Variants in EEF2K observed in about 807,000 individuals in gnomAD.
EEF2K encodes the protein eukaryotic elongation factor 2 kinase, also known as alternative protein EEF2K.
In EEF2K, 70 loss-of-function variants were observed where a neutral mutation model predicts 93.8. That is an observed-to-expected ratio of 0.75 (90% CI 0.62 to 0.91). EEF2K has a LOEUF of 0.91. EEF2K is among the 40% of genes least tolerant of loss of function. The probability of loss-of-function intolerance (pLI) is 0.00; values close to 1 mark genes in which losing one functional copy is unlikely to be tolerated. For synonymous variants in EEF2K, 376 were observed against 380.8 expected, an observed-to-expected ratio of 0.99 and a Z score of 0.15; for missense variants, 935 against 972.9, an observed-to-expected ratio of 0.96 and a Z score of 0.52.
chr16:22,248,934 G>A (rs2047321576), intron 4 of EEF2K, 119 bp downstream of exon 4: 1 of 1,004,614 alleles, frequency 1.0e-6, no homozygotes, highest in Non-Finnish European at 1.4e-6. Context: ...AACTTCGGGG[G>A]ATTCTTTGTT....
At chr16:22,247,098 T>C (rs2047302056) in intron 3 of EEF2K, among the ~76,000 whole-genome samples, 1 of 124,352 alleles carries the variant, frequency 8.0e-6, no homozygotes, top group Non-Finnish European at 1.7e-5. Flanking sequence ...CCACTACCAG[T>C]CATAGAAACT....
chr16:22,237,095 T>TCAC (rs1011082032), intron 2 of EEF2K, among the ~76,000 whole-genome samples: 2 of 151,256 alleles, frequency 1.3e-5, no homozygotes, highest in Non-Finnish European at 2.9e-5. Flanking sequence ...CAGGCACACG[T>TCAC]CACCACGCCC....
chr16:22,221,890 T>A (rs1177021475), intron 1 of EEF2K, among the ~76,000 whole-genome samples: 1 of 151,898 alleles, frequency 6.6e-6, no homozygotes, highest in Non-Finnish European at 1.5e-5. Flanking sequence ...GCCAACATGG[T>A]GAAACCCCGC....
chr16:22,220,343 G>A (rs536903213), intron 1 of EEF2K, among the ~76,000 whole-genome samples: 39 of 152,236 alleles, frequency 2.6e-4, no homozygotes, highest in Non-Finnish European at 4.9e-4. Flanking sequence ...GCCGAGGGCC[G>A]AGCTCCCCAC....
chr16:22,241,367 C>T (rs1017793825), intron 2 of EEF2K, among the ~76,000 whole-genome samples: 8 of 151,888 alleles, frequency 5.3e-5, no homozygotes, highest in African/African-American at 1.9e-4. Context: ...GCATGTAGGC[C>T]GGGCAAGGTG....
intron 16 of EEF2K, among the ~76,000 whole-genome samples, chr16:22,277,058 G>A (rs2047644592): frequency 6.9e-6 from 1 of 144,670 alleles, no homozygotes; most frequent in African/African-American, 2.8e-5. Context: ...AGCATGAAAT[G>A]CCGTCTTAAA....
intron 6 of EEF2K, among the ~76,000 whole-genome samples, chr16:22,255,312 C>A (rs895231299): frequency 1.3e-5 from 2 of 152,290 alleles, no homozygotes; most frequent in Non-Finnish European, 2.9e-5. Flanking sequence ...GGAGGTCTTG[C>A]ATTGGTGGGT....
At chr16:22,258,874 T>A in intron 10 of EEF2K, 179 bp downstream of exon 10, 1 of 718,454 alleles carries the variant, frequency 1.4e-6, no homozygotes, top group Non-Finnish European at 2.2e-6. Context: ...CCAAATGCTA[T>A]AAAAACAACC....
At chr16:22,249,659 G>A (rs1284532038) in intron 4 of EEF2K, among the ~76,000 whole-genome samples, 1 of 152,010 alleles carries the variant, frequency 6.6e-6, no homozygotes, top group Non-Finnish European at 1.5e-5. Flanking sequence ...AGGCTGGGGT[G>A]TAGGGGTACA....
At chr16:22,237,633 A>G (rs999709278) in intron 2 of EEF2K, among the ~76,000 whole-genome samples, 1 of 151,992 alleles carries the variant, frequency 6.6e-6, no homozygotes, top group Non-Finnish European at 1.5e-5. Flanking sequence ...AAAAAAGAAA[A>G]GAAGAAAACT....
At chr16:22,232,291 A>T (rs2047123890) in intron 2 of EEF2K, among the ~76,000 whole-genome samples, 1 of 152,054 alleles carries the variant, frequency 6.6e-6, no homozygotes, top group Admixed American at 6.6e-5. Flanking sequence ...CAGTGGCATG[A>T]TCATAACTCA....
chr16:22,266,317 AG>A, intron 13 of EEF2K, 72 bp from the exon 14 acceptor site: 2 of 1,544,996 alleles, frequency 1.3e-6, no homozygotes, highest in Non-Finnish European at 1.7e-6. Flanking sequence ...CCTGTGTAGT[AG>A]GGGCTGCTGA....
At chr16:22,268,905 A>G (rs974272870) in intron 15 of EEF2K, among the ~76,000 whole-genome samples, 1 of 151,804 alleles carries the variant, frequency 6.6e-6, no homozygotes, top group Admixed American at 6.6e-5. Context: ...TGCAGTGAGC[A>G]GAGATCACGC....
chr16:22,243,354 C>T (rs1343915704), intron 2 of EEF2K, among the ~76,000 whole-genome samples: 3 of 150,726 alleles, frequency 2.0e-5, no homozygotes, highest in East Asian at 2.0e-4. Flanking sequence ...TGGGTTCAAG[C>T]GATTCTCCTC....
intron 13 of EEF2K, chr16:22,265,269 C>T (rs1020862698): frequency 5.5e-5 from 10 of 181,414 alleles, no homozygotes; most frequent in Non-Finnish European, 1.2e-4. Context: ...AAGCAACTTT[C>T]CCCAGGTTAC....
intron 1 of EEF2K, among the ~76,000 whole-genome samples, chr16:22,218,345 C>A (rs2046978214): frequency 6.6e-6 from 1 of 152,210 alleles, no homozygotes; most frequent in African/African-American, 2.4e-5. Context: ...TGTGCATTGG[C>A]CAGCTCGGGG....
rs893119555 is a variant in EEF2K at position 22,286,499 on chromosome 16, A to G, written c.*2503A>G. On this transcript the variant is annotated 3_prime_UTR_variant, in exon 18 of 18. Coordinates refer to ENST00000263026, the MANE Select transcript of EEF2K (RefSeq NM_013302.5). ...TTTTGTAAAGGGGTAGAAAGTGAAG[A>G]TTTTAGGCTTTGCAGGCCATATAGC... The G allele has an allele frequency of 1.3e-5, 2 of 152,210 alleles. No individual in the cohort carries two copies. The highest frequency in any genetic ancestry group is 2.9e-5 in the Non-Finnish European group (2 of 68,044). The allele number at this position is 152,210 out of a possible 1,614,324, so 9.4% of individuals were successfully genotyped here. A position where few individuals can be genotyped will look rare whatever the true frequency, so the allele number is the denominator to read the frequency against.
intron 1 of EEF2K, among the ~76,000 whole-genome samples, chr16:22,225,400 A>G (rs1305781447): frequency 6.6e-6 from 1 of 152,226 alleles, no homozygotes; most frequent in Non-Finnish European, 1.5e-5. Flanking sequence ...TCTGCTTAAG[A>G]AGCCATTCCT....
intron 2 of EEF2K, among the ~76,000 whole-genome samples, chr16:22,233,433 CT>C (rs1165286990): frequency 1.3e-5 from 2 of 151,844 alleles, no homozygotes; most frequent in African/African-American, 4.8e-5. Context: ...AATCCTAGGA[CT>C]TTTGGCGGCC....
Sources: gnomAD v4.1 joint callset for allele counts (sites outside exome capture counted in the v4.1 genomes callset) on GRCh38, gnomAD v4.1.1 for gene constraint, MANE v1.5 for transcripts, NCBI Gene and HGNC (gene_info 2026-07-23, HGNC 2026-07-21) for gene names.